Variants in TEX48 observed in about 807,000 individuals in gnomAD.
TEX48 encodes the protein testis expressed 48, also known as testis-expressed protein 48.
In TEX48, 10 loss-of-function variants were observed where a neutral mutation model predicts 13.2. The ratio of observed to expected loss-of-function variants is 0.75; its 90% CI spans 0.47 to 1.28. The LOEUF is 1.28. TEX48 is among the 50% of genes most tolerant of loss of function. The pLI, the probability that TEX48 is intolerant of heterozygous loss-of-function variation, is 0.00. For synonymous variants in TEX48, 45 were observed against 52.3 expected, an observed-to-expected ratio of 0.86 and a Z score of 0.60; for missense variants, 116 against 139.4, an observed-to-expected ratio of 0.83 and a Z score of 0.84.
At chr9:114,678,615 T>C (rs1828122427) in intron 1 of TEX48, among the ~76,000 whole-genome samples, 3 of 152,124 alleles carry the variant, frequency 2.0e-5, no homozygotes, top group African/African-American at 7.2e-5. Context: ...TTTGGGAGGC[T>C]GAGACAGGAA....
chr9:114,667,616 G>A (rs915814676), intron 4 of TEX48, among the ~76,000 whole-genome samples: 9 of 152,130 alleles, frequency 5.9e-5, no homozygotes, highest in African/African-American at 2.2e-4. Context: ...GTAAGATGAT[G>A]CCGCCAGGTG....
rs1425586051 is a variant in TEX48, at chr9:114,666,663, A to G, written c.343T>C (p.Cys115Arg). 1 of 1,533,828 alleles carries G rather than the reference A, an allele frequency of 6.5e-7. No individual in the cohort carries two copies. Among genetic ancestry groups the G allele is most frequent in the East Asian group, 2.4e-5 (1 of 40,904 alleles). The change falls in exon 5 of 5, where the codon TGC becomes CGC. Residue 115 changes from cysteine (C) to arginine (R), a missense_variant. Coordinates refer to ENST00000436752, the MANE Select transcript of TEX48 (RefSeq NM_001199233.2). ...AATGCTCAGGGCCTCCCAGTGAGGC[A>G]TGGCTGGAATGGCCAGTGCTCCTGG... ...YCQEHWPFQPCLTGRP is the reference protein window; with the variant it reads ...YCQEHWPFQPRLTGRP
intron 1 of TEX48, among the ~76,000 whole-genome samples, chr9:114,677,059 C>A (rs761219235): frequency 1.3e-5 from 2 of 152,194 alleles, no homozygotes; most frequent in Non-Finnish European, 2.9e-5. Flanking sequence ...CTCCCTTCCA[C>A]TAACTGATTT....
chr9:114,666,554 A>G lies in TEX48; in HGVS notation c.*89T>C. 1 of 695,606 alleles carries G rather than the reference A, an allele frequency of 1.4e-6. No individual in the cohort carries two copies. The highest frequency in any genetic ancestry group is 2.3e-6 in the Non-Finnish European group (1 of 427,314). The allele number at this position is 695,606 out of a possible 1,614,324, so 43.1% of individuals were successfully genotyped here. ...CAGATGTCTTCTCCTCCTTCAGGGG[A>G]GTTTCCGAATTAGTCTTCATGACTC... On this transcript the variant is annotated 3_prime_UTR_variant, in exon 5 of 5. Coordinates refer to ENST00000436752, the MANE Select transcript of TEX48 (RefSeq NM_001199233.2).
intron 4 of TEX48, 150 bp from the exon 5 acceptor site, chr9:114,666,896 A>C: frequency 1.7e-6 from 1 of 587,344 alleles, no homozygotes; most frequent in East Asian, 2.9e-5. Flanking sequence ...AGGACTTGGA[A>C]GTCTTTTGTG....
At position 114,668,212 on chromosome 9, in the gene TEX48, A is replaced by G; in HGVS notation, c.253T>C (p.Phe85Leu). 6.5e-7 allele frequency: 1 copy of G among 1,535,528 alleles called. No homozygotes were observed. The highest frequency in any genetic ancestry group is 8.7e-7 in the Non-Finnish European group (1 of 1,146,860). ...KKSTSSSSSE[F>L]EDLNAYASQR... is the part of the protein sequence containing the mutation. ...ACCCCAATTTGGGACTCACCCTCAA[A>G]CTCACTGCTGCTGGAGGAAGTGCTC... is the stretch of plus-strand genomic sequence containing the variant. The change falls in exon 4 of 5, where the codon TTT becomes CTT. Residue 85 changes from phenylalanine to leucine, a missense_variant. Coordinates refer to ENST00000436752, the MANE Select transcript of TEX48 (RefSeq NM_001199233.2).
chr9:114,677,230 G>A (rs1421795231), intron 1 of TEX48, among the ~76,000 whole-genome samples: 1 of 105,564 alleles, frequency 9.5e-6, no homozygotes, highest in African/African-American at 4.8e-5. Flanking sequence ...TGCCAGGTGA[G>A]GTGTTTTTGT....
intron 4 of TEX48, among the ~76,000 whole-genome samples, chr9:114,667,613 G>A (rs1193802351): frequency 6.6e-6 from 1 of 152,140 alleles, no homozygotes; most frequent in African/African-American, 2.4e-5. Context: ...CGTGTAAGAT[G>A]ATGCCGCCAG....
chr9:114,673,558 A>G (rs774722801), intron 1 of TEX48, among the ~76,000 whole-genome samples: 5 of 152,038 alleles, frequency 3.3e-5, no homozygotes, highest in Non-Finnish European at 7.4e-5. Flanking sequence ...CTCTTAAAAC[A>G]ACTGGAATAA....
chr9:114,676,598 A>G (rs1828072543), intron 1 of TEX48, among the ~76,000 whole-genome samples: 1 of 150,768 alleles, frequency 6.6e-6, no homozygotes, highest in Admixed American at 6.7e-5. Context: ...TGTCCATGGA[A>G]GCAGGGACAG....
At chr9:114,675,335 TC>T (rs1240289180) in intron 1 of TEX48, among the ~76,000 whole-genome samples, 2 of 152,196 alleles carry the variant, frequency 1.3e-5, no homozygotes, top group African/African-American at 2.4e-5. Flanking sequence ...CAATTTTAGT[TC>T]TGCTCTCTGT....
Position 114,676,158 on chromosome 9 carries a change from T to A in TEX48, c.-104-4331A>T, listed in dbSNP as rs1589379408. 2.0e-5 allele frequency among the ~76,000 whole-genome samples: 3 copies of A among 152,240 alleles called. 1 individual carries two copies. ...AGTTCATGAGCTTTTTCCTTTTTCT[T>A]TTTCTTTTCTTTTTTTATTTTTTGA... On this transcript the variant is annotated intron_variant, in intron 1 of 4. Coordinates refer to ENST00000436752, the MANE Select transcript of TEX48 (RefSeq NM_001199233.2).
In TEX48 at chr9:114,671,780, A is replaced by C; in HGVS notation, c.-57T>G. 1 of 1,532,368 alleles carries C rather than the reference A, an allele frequency of 6.5e-7. No individual in the cohort carries two copies. The highest frequency in any genetic ancestry group is 8.7e-7 in the Non-Finnish European group (1 of 1,143,964). 94.9% of individuals were successfully genotyped at this position (1,532,368 alleles called of 1,614,324 possible). A position where few individuals can be genotyped will look rare whatever the true frequency, so the allele number is the denominator to read the frequency against. Reference sequence around the variant, plus strand: ...TTTGTCTGCAGGGGTGCCTTGTTGAATCAGCCAGTCTTGAGTTTGAGCCCA... The same window carrying C: ...TTTGTCTGCAGGGGTGCCTTGTTGACTCAGCCAGTCTTGAGTTTGAGCCCA... On this transcript the variant is annotated 5_prime_UTR_variant, in exon 2 of 5. Transcript: ENST00000436752.
chr9:114,668,089 G>A, intron 4 of TEX48, 117 bp downstream of exon 4: 1 of 1,323,036 alleles, frequency 7.6e-7, no homozygotes, highest in Non-Finnish European at 1.0e-6. Context: ...TGCTTGATGG[G>A]AGCAATTCCA....
At chr9:114,676,744 G>A (rs1201047244) in intron 1 of TEX48, among the ~76,000 whole-genome samples, 1 of 151,888 alleles carries the variant, frequency 6.6e-6, no homozygotes, top group Non-Finnish European at 1.5e-5. Context: ...AGCCTCCCGA[G>A]TAGCTGGGAC....
rs565817649 is a variant in TEX48 at position 114,671,413 on chromosome 9, G to T, written c.97C>A (p.Gln33Lys). 2.0e-6 allele frequency: 3 copies of T among 1,535,464 alleles called. No individual in the cohort carries two copies. Among genetic ancestry groups the T allele is most frequent in the East Asian group, 2.4e-5 (1 of 40,914 alleles). ...YAINDSKVPSQTQEHKPSTQN... is the reference protein window; with the variant it reads ...YAINDSKVPSKTQEHKPSTQN... Reference sequence around the variant, plus strand: ...GTCGATGGCTTGTGCTCCTGGGTTTGACTGGGAACCTTGGAGTCATTGATG... The same window carrying T: ...GTCGATGGCTTGTGCTCCTGGGTTTTACTGGGAACCTTGGAGTCATTGATG... The change falls in exon 3 of 5, where the codon CAA becomes AAA. Residue 33 changes from glutamine to lysine, a missense_variant. Coordinates refer to ENST00000436752, the MANE Select transcript of TEX48 (RefSeq NM_001199233.2).
At chr9:114,671,647 T>C (rs1564316229) in intron 2 of TEX48, 73 bp downstream of exon 2, 47 of 1,534,032 alleles carry the variant, frequency 3.1e-5, no homozygotes, top group Non-Finnish European at 4.0e-5. Flanking sequence ...TCCCAAATCT[T>C]CTGTAGCTTC....
At position 114,666,593 on chromosome 9, in the gene TEX48, T is replaced by C; in HGVS notation, c.*50A>G. ...TCTTCATGACTCCTGTCCACCGCCC[T>C]CTTCCTCATGGAGATGCCCCAGCAG... On this transcript the variant is annotated 3_prime_UTR_variant, in exon 5 of 5. Coordinates refer to ENST00000436752, the MANE Select transcript of TEX48 (RefSeq NM_001199233.2). The C allele has an allele frequency of 9.2e-7, 1 of 1,091,826 alleles. No individual in the cohort carries two copies. Among genetic ancestry groups the C allele is most frequent in the Non-Finnish European group, 1.3e-6 (1 of 765,758 alleles). 67.6% of individuals were successfully genotyped at this position (1,091,826 alleles called of 1,614,324 possible).
intron 1 of TEX48, among the ~76,000 whole-genome samples, chr9:114,672,585 A>G (rs1212925550): frequency 6.6e-6 from 1 of 152,038 alleles, no homozygotes; most frequent in Non-Finnish European, 1.5e-5. Flanking sequence ...CTTGAGTCCC[A>G]TTTTCTCTAC....
Sources: gnomAD v4.1 joint callset for allele counts (sites outside exome capture counted in the v4.1 genomes callset) on GRCh38, gnomAD v4.1.1 for gene constraint, MANE v1.5 for transcripts, NCBI Gene and HGNC (gene_info 2026-07-23, HGNC 2026-07-21) for gene names.